The following PACSIN2 variants were observed in gnomAD, a reference collection of about 807,000 sequenced individuals.
PACSIN2 encodes the protein protein kinase C and casein kinase substrate in neurons 2.
In PACSIN2, 25 loss-of-function variants were observed where a neutral mutation model predicts 63.8. The observed-to-expected ratio is 0.39, with a 90% CI of 0.29 to 0.55. The LOEUF (loss-of-function observed/expected upper bound fraction) is 0.55, where lower values mean the gene tolerates loss of function less well. Ranked by LOEUF, PACSIN2 falls within the 20% of genes least tolerant of loss-of-function variation. The pLI is 0.62. For missense variants in PACSIN2, 518 were observed against 646.9 expected (o/e 0.80, Z 2.16); for synonymous variants, 255 against 256.2 (o/e 1.00, Z 0.05).
intron 1 of PACSIN2, among the ~76,000 whole-genome samples, chr22:42,935,685 G>C (rs1361657001): frequency 6.6e-6 from 1 of 152,172 alleles, no homozygotes; most frequent in Admixed American, 6.5e-5. Flanking sequence ...TGTTTCCACA[G>C]AGACAAGGGC....
chr22:42,903,811 CG>C (rs1930869621), intron 2 of PACSIN2, among the ~76,000 whole-genome samples: 1 of 152,170 alleles, frequency 6.6e-6, no homozygotes, highest in Non-Finnish European at 1.5e-5. Context: ...GTCCTTTCCT[CG>C]GGGCCTCAAT....
At chr22:42,987,753 C>G (rs13054311) in intron 1 of PACSIN2, among the ~76,000 whole-genome samples, 3 of 151,786 alleles carry the variant, frequency 2.0e-5, no homozygotes, top group Non-Finnish European at 4.4e-5. Flanking sequence ...CCAGGATGGT[C>G]TCAATCTCCT....
At chr22:42,978,612 G>A (rs1921866308) in intron 1 of PACSIN2, among the ~76,000 whole-genome samples, 1 of 152,202 alleles carries the variant, frequency 6.6e-6, no homozygotes, top group Admixed American at 6.5e-5. Context: ...TGCCCGCACT[G>A]ACGGTAAGTT....
intron 1 of PACSIN2, among the ~76,000 whole-genome samples, chr22:42,979,459 G>A (rs1921923080): frequency 6.9e-6 from 1 of 145,164 alleles, no homozygotes; most frequent in African/African-American, 2.6e-5. Context: ...GGGAGGTGGA[G>A]GTTGCAGTGA....
chr22:42,880,127 T>G (rs1215558546), intron 7 of PACSIN2, among the ~76,000 whole-genome samples: 1 of 152,196 alleles, frequency 6.6e-6, no homozygotes, highest in East Asian at 1.9e-4. Flanking sequence ...TGATTAAAAC[T>G]TGGTGTGGCT....
In PACSIN2 at chr22:42,915,177, A is replaced by G. The variant is rs540601070; in HGVS notation, c.-77-3020T>C. On this transcript the variant is annotated intron_variant, in intron 1 of 10. Coordinates refer to ENST00000263246, the MANE Select transcript of PACSIN2 (RefSeq NM_001184970.3). ...GCCACCACACCGGGCCTAAGATTTA[A>G]GAGCCCACTAAGTGCCAGGAGCCAA... 4.6e-5 allele frequency among the ~76,000 whole-genome samples: 7 copies of G among 152,330 alleles called. No homozygotes were observed. The East Asian group carries it at 7.7e-4, about 17-fold the overall frequency.
At chr22:42,967,116 A>C (rs56026835) in intron 1 of PACSIN2, among the ~76,000 whole-genome samples, 91,229 of 151,576 alleles carry the variant, frequency 0.6, 27,979 homozygotes, top group East Asian at 0.78. Context: ...CGTAACAGAA[A>C]CTAGGCAGGG....
chr22:42,900,769 C>A (rs961794424), intron 2 of PACSIN2, among the ~76,000 whole-genome samples: 1 of 152,206 alleles, frequency 6.6e-6, no homozygotes, highest in Non-Finnish European at 1.5e-5. Flanking sequence ...CCACCGCACC[C>A]GACCTAGTGT....
chr22:42,877,282 CA>C (rs1474174478), intron 8 of PACSIN2, among the ~76,000 whole-genome samples: 6 of 152,282 alleles, frequency 3.9e-5, no homozygotes, highest in Non-Finnish European at 7.4e-5. Context: ...TGGGGTGGCC[CA>C]GGGGCGGGTG....
intron 10 of PACSIN2, among the ~76,000 whole-genome samples, chr22:42,873,422 C>A (rs1184373970): frequency 6.6e-6 from 1 of 152,210 alleles, no homozygotes; most frequent in Non-Finnish European, 1.5e-5. Context: ...TGGGCAGAGG[C>A]AGCTGATAAC....
chr22:42,994,806 C>T (rs985964412), intron 1 of PACSIN2, among the ~76,000 whole-genome samples: 4 of 152,182 alleles, frequency 2.6e-5, no homozygotes, highest in Admixed American at 2.0e-4. Flanking sequence ...CTGGGGGCTG[C>T]GGGGAGCACC....
intron 2 of PACSIN2, among the ~76,000 whole-genome samples, chr22:42,910,458 G>A (rs1411470256): frequency 6.6e-6 from 1 of 152,202 alleles, no homozygotes; most frequent in Non-Finnish European, 1.5e-5. Context: ...CTCTCTGGGG[G>A]GGCCAGCCAG....
intron 2 of PACSIN2, among the ~76,000 whole-genome samples, chr22:42,905,938 A>T (rs1931043487): frequency 6.6e-6 from 1 of 152,096 alleles, no homozygotes; most frequent in Non-Finnish European, 1.5e-5. Flanking sequence ...TATCTACCTG[A>T]CCACCCACCG....
chr22:42,966,715 GA>G (rs1483670509), intron 1 of PACSIN2, among the ~76,000 whole-genome samples: 1 of 152,178 alleles, frequency 6.6e-6, no homozygotes, highest in African/African-American at 2.4e-5. Flanking sequence ...GCAACATCTA[GA>G]TTTCTAGCAC....
intron 1 of PACSIN2, among the ~76,000 whole-genome samples, chr22:43,014,532 A>T (rs1924751023): frequency 6.6e-6 from 1 of 151,366 alleles, no homozygotes; most frequent in East Asian, 2.0e-4. Flanking sequence ...CCTTCCCTCC[A>T]GCGTTGCTCC....
rs201034705 is a variant in PACSIN2, at chr22:42,891,147, C to T, written c.253G>A (p.Ala85Thr). ...ACCCTCTCTGCCTCGGACATGAAGGCCATCCAGGCCTTCTCCACGGTCCCG... is the reference window on the plus strand; with the variant it reads ...ACCCTCTCTGCCTCGGACATGAAGGTCATCCAGGCCTTCTCCACGGTCCCG... Reference protein sequence around the residue: ...QYGTVEKAWMAFMSEAERVSE... With the variant: ...QYGTVEKAWMTFMSEAERVSE... The change falls in exon 4 of 11, where the codon GCC becomes ACC. Residue 85 changes from alanine (A) to threonine (T), a missense_variant. Ala to Thr is a moderately conservative substitution (Grantham distance 58). Transcript: ENST00000263246. 3.5e-4 allele frequency: 557 copies of T among 1,614,012 alleles called. 1 individual carries two copies. The highest frequency in any genetic ancestry group is 4.2e-4 in the Non-Finnish European group (497 of 1,179,996).
At chr22:42,988,158 A>G (rs1197973949) in intron 1 of PACSIN2, among the ~76,000 whole-genome samples, 1 of 152,136 alleles carries the variant, frequency 6.6e-6, no homozygotes, top group Non-Finnish European at 1.5e-5. Flanking sequence ...AAATAAATAC[A>G]TAAATGCCTG....
chr22:42,884,753 G>T (rs1221867832), intron 5 of PACSIN2, among the ~76,000 whole-genome samples, 192 bp from the exon 6 acceptor site: 1 of 152,234 alleles, frequency 6.6e-6, no homozygotes, highest in African/African-American at 2.4e-5. Flanking sequence ...CCTGCCATCT[G>T]CCCTGTCTCT....
At chr22:42,967,751 G>T (rs752229669) in intron 1 of PACSIN2, among the ~76,000 whole-genome samples, 2 of 152,148 alleles carry the variant, frequency 1.3e-5, no homozygotes, top group South Asian at 2.1e-4. Context: ...AGCCGGGCGT[G>T]GGGGTGGGCG....
Sources: allele counts gnomAD v4.1 joint callset (sites outside exome capture counted in the v4.1 genomes callset), GRCh38; gene constraint gnomAD v4.1.1; transcripts MANE v1.5; gene names NCBI Gene and HGNC (gene_info 2026-07-23, HGNC 2026-07-21).